DAB1: variants seen among roughly 807,000 people sequenced by gnomAD.
The protein encoded by DAB1 is DAB adaptor protein 1.
DAB1 carries 15 observed loss-of-function variants against 64.6 expected under a neutral mutation model. The ratio of observed to expected loss-of-function variants is 0.23; its 90% CI spans 0.16 to 0.36. DAB1 has a LOEUF of 0.36. Among genes scored for constraint, DAB1 ranks in the 10% least tolerant of loss-of-function variants. The pLI is 1.00. For synonymous variants in DAB1, 235 were observed against 251.9 expected (o/e 0.93, Z 0.64); for missense variants, 596 against 706.7 (o/e 0.84, Z 1.78).
At chr1:57,091,959 T>C (rs781233531) in intron 4 of DAB1, among the ~76,000 whole-genome samples, 1 of 152,192 alleles carries the variant, frequency 6.6e-6, no homozygotes, top group African/African-American at 2.4e-5. Flanking sequence ...AGAGTAAGGA[T>C]TTGAATCCAG....
intron 7 of DAB1, among the ~76,000 whole-genome samples, chr1:57,470,555 G>C (rs1687101313): frequency 2.6e-5 from 4 of 152,102 alleles, no homozygotes; most frequent in Admixed American, 2.6e-4. Flanking sequence ...TTGGTTACTT[G>C]TGTATCATGA....
chr1:58,113,292 C>T (rs187690993), intron 5 of DAB1, among the ~76,000 whole-genome samples: 11 of 152,008 alleles, frequency 7.2e-5, no homozygotes, highest in African/African-American at 2.4e-4. Context: ...TTGGAGGGTG[C>T]GTGGGAGAGG....
chr1:58,114,404 T>G (rs1652192095), intron 5 of DAB1, among the ~76,000 whole-genome samples: 1 of 152,174 alleles, frequency 6.6e-6, no homozygotes, highest in South Asian at 2.1e-4. Flanking sequence ...AACAAAAAAA[T>G]GTTGGCAATG....
intron 3 of DAB1, among the ~76,000 whole-genome samples, chr1:58,369,052 G>T (rs973505471): frequency 2.6e-5 from 4 of 152,126 alleles, no homozygotes; most frequent in African/African-American, 9.7e-5. Flanking sequence ...AACAGGAATT[G>T]GTGCATAAAT....
chr1:57,512,305 ATTG>A (rs768792089), intron 7 of DAB1, among the ~76,000 whole-genome samples: 10 of 152,178 alleles, frequency 6.6e-5, no homozygotes, highest in Non-Finnish European at 1.5e-4. Context: ...TAGGCACAGA[ATTG>A]TTGTTTAAGA....
chr1:57,138,372 C>G (rs559410622), intron 3 of DAB1, among the ~76,000 whole-genome samples: 1 of 152,156 alleles, frequency 6.6e-6, no homozygotes, highest in South Asian at 2.1e-4. Context: ...CTCAGCTCTC[C>G]TAGCACTTGG....
At chr1:57,360,428 T>A (rs35344722) in intron 1 of DAB1, among the ~76,000 whole-genome samples, 3,162 of 152,146 alleles carry the variant, frequency 0.021, 43 homozygotes, top group South Asian at 0.052. Context: ...ATACTACTCA[T>A]ACAAGCCATC....
chr1:58,202,306 T>C (rs913272962), intron 4 of DAB1, among the ~76,000 whole-genome samples: 1 of 152,212 alleles, frequency 6.6e-6, no homozygotes, highest in Non-Finnish European at 1.5e-5. Flanking sequence ...TATTTCTCCA[T>C]TGGTTTAAGA....
chr1:58,266,550 T>C (rs192546446), intron 4 of DAB1, among the ~76,000 whole-genome samples: 2 of 152,316 alleles, frequency 1.3e-5, no homozygotes, highest in East Asian at 3.9e-4. Context: ...AAAGTAAAGA[T>C]AGTATTCCTG....
Position 57,945,864 on chromosome 1 carries a change from C to T in DAB1, n.388-61702G>A, listed in dbSNP as rs546521179. On this transcript the variant is annotated intron_variant and non_coding_transcript_variant, in intron 5 of 20. Transcript: ENST00000485760. Reference sequence around the variant, plus strand: ...CCTTAATTTAGTCATCATGACTTTACTTGAAGGCCCAGCACATGGTTGACA... The same window carrying T: ...CCTTAATTTAGTCATCATGACTTTATTTGAAGGCCCAGCACATGGTTGACA... Among the ~76,000 whole-genome samples the T allele has an allele frequency of 3.3e-5, 5 of 152,300 alleles. No individual in the cohort carries two copies. The East Asian group carries it at 7.7e-4, about 24-fold the overall frequency.
At chr1:58,245,102 G>C (rs751906386) in intron 4 of DAB1, among the ~76,000 whole-genome samples, 3 of 152,208 alleles carry the variant, frequency 2.0e-5, no homozygotes, top group Admixed American at 6.5e-5. Flanking sequence ...ATTCAAATAA[G>C]AGATGCAGAA....
chr1:58,350,283 G>A (rs1482995223), intron 3 of DAB1, among the ~76,000 whole-genome samples: 1 of 152,026 alleles, frequency 6.6e-6, no homozygotes, highest in African/African-American at 2.4e-5. Flanking sequence ...CATATCCTCT[G>A]CACACTTTTT....
intron 2 of DAB1, among the ~76,000 whole-genome samples, chr1:58,509,074 G>C (rs1322182774): frequency 6.6e-6 from 1 of 152,110 alleles, no homozygotes; most frequent in Non-Finnish European, 1.5e-5. Context: ...GACTGGTGAA[G>C]ATCTTCTCCT....
In DAB1 at chr1:58,438,282, G is replaced by A. The variant is rs112120570; in HGVS notation, n.257+67778C>T. 8.2e-3 allele frequency among the ~76,000 whole-genome samples: 1,250 copies of A among 152,250 alleles called. 14 individuals carry two copies. Among genetic ancestry groups the A allele is most frequent in the African/African-American group, 0.028 (1,176 of 41,542 alleles). ...ATTACTTACAATTTGCTATGAAGTC[G>A]CAGGCAGGAAAATGTAGGTTGCATT... On this transcript the variant is annotated intron_variant and non_coding_transcript_variant, in intron 3 of 20. Coordinates refer to the DAB1 transcript ENST00000485760.
intron 4 of DAB1, among the ~76,000 whole-genome samples, chr1:58,291,782 C>A (rs1403161411): frequency 6.6e-6 from 1 of 152,132 alleles, no homozygotes; most frequent in African/African-American, 2.4e-5. Flanking sequence ...GGTCACATAG[C>A]TAGAAAATGC....
intron 6 of DAB1, among the ~76,000 whole-genome samples, chr1:57,820,583 T>G (rs930276244): frequency 6.6e-6 from 1 of 152,182 alleles, no homozygotes; most frequent in African/African-American, 2.4e-5. Context: ...TAAATACATT[T>G]CGAATGTGTC....
chr1:58,029,402 C>T (rs1646939801), intron 5 of DAB1, among the ~76,000 whole-genome samples: 1 of 152,108 alleles, frequency 6.6e-6, no homozygotes, highest in African/African-American at 2.4e-5. Flanking sequence ...AATCTGCCAC[C>T]CAGGGCCACA....
chr1:57,592,051 T>A (rs1419744787), intron 7 of DAB1, among the ~76,000 whole-genome samples: 1 of 152,206 alleles, frequency 6.6e-6, no homozygotes, highest in Non-Finnish European at 1.5e-5. Context: ...GAGGTGTTAG[T>A]CTTGATACTG....
chr1:57,918,067 C>CAATA (rs59397849), intron 5 of DAB1, among the ~76,000 whole-genome samples: 53,639 of 138,446 alleles, frequency 0.39, 10,953 homozygotes, highest in Admixed American at 0.48. Flanking sequence ...GACTCCGTCT[C>CAATA]AATAAATAAA....
Sources: gnomAD v4.1 joint callset for allele counts (sites outside exome capture counted in the v4.1 genomes callset) on GRCh38, gnomAD v4.1.1 for gene constraint, MANE v1.5 for transcripts, NCBI Gene and HGNC (gene_info 2026-07-23, HGNC 2026-07-21) for gene names.